The following STAT1 variants were observed in gnomAD, a reference collection of about 807,000 sequenced individuals.
The protein encoded by STAT1 is signal transducer and activator of transcription 1-alpha/beta.
STAT1 carries 24 observed loss-of-function variants against 111.7 expected under a neutral mutation model. The observed-to-expected ratio is 0.21, with a 90% CI of 0.16 to 0.30. The LOEUF (loss-of-function observed/expected upper bound fraction) is 0.30. STAT1 is among the 10% of genes least tolerant of loss of function. STAT1 has a pLI of 1.00. For missense variants in STAT1, 351 were observed against 911.9 expected, an observed-to-expected ratio of 0.38 and a Z score of 7.92; for synonymous variants, 332 against 326.5, an observed-to-expected ratio of 1.02 and a Z score of -0.18.
At position 191,007,352 on chromosome 2, in the gene STAT1, TTC is replaced by T. The variant is rs1574670902; in HGVS notation, c.372+209_372+210del. On this transcript the variant is annotated intron_variant, in intron 5 of 24. Transcript: ENST00000361099. This position sits in a 1 kb window ranked among gnomAD's most constrained non-coding sequence, Gnocchi z 4.2. ...TACCCAGAAGTATCTTGTTTATATGTTCTCTCTCCTCGTTAGAACTTAATTCC... is the reference window on the plus strand; with the variant it reads ...TACCCAGAAGTATCTTGTTTATATGTTCTCTCCTCGTTAGAACTTAATTCC... 6.6e-6 allele frequency among the ~76,000 whole-genome samples: 1 copy of T among 152,354 alleles called. No individual in the cohort carries two copies. Among genetic ancestry groups the T allele is most frequent in the East Asian group, 1.9e-4 (1 of 5,190 alleles).
chr2:191,000,723 C>T lies in STAT1; in HGVS notation c.462+351G>A, dbSNP rs41457547. On this transcript the variant is annotated intron_variant, in intron 6 of 24. Transcript: ENST00000361099. The surrounding 1 kb of genome is among the most constrained non-coding windows in gnomAD (Gnocchi z 4.8). ...AAACAGATGACTGGGAAGGATGGGC[C>T]ATGTTTATCCTGGGGCACTGTGATT... 3.6e-3 allele frequency among the ~76,000 whole-genome samples: 544 copies of T among 152,208 alleles called. 5 individuals carry two copies. The highest frequency in any genetic ancestry group is 0.012 in the African/African-American group (516 of 41,516).
At position 190,993,239 on chromosome 2, in the gene STAT1, T is replaced by C. The variant is rs1455101047; in HGVS notation, c.944+1822A>G. ...GTTGACGTTTTCACTGGGATAATGA[T>C]CTATTTTCTGCAGTCACTGTTTAAT... On this transcript the variant is annotated intron_variant, in intron 10 of 24. Coordinates refer to ENST00000361099, the MANE Select transcript of STAT1 (RefSeq NM_007315.4). This position sits in a 1 kb window ranked among gnomAD's most constrained non-coding sequence, Gnocchi z 4.1. The C allele has an allele frequency of 3.4e-6, 2 of 588,020 alleles. No individual in the cohort carries two copies. Among genetic ancestry groups the C allele is most frequent in the East Asian group, 3.2e-5 (1 of 31,500 alleles). 36.4% of individuals were successfully genotyped at this position (588,020 alleles called of 1,614,324 possible).
rs889876709 is a variant in STAT1 at position 191,000,679 on chromosome 2, T to G, written c.462+395A>C. Among the ~76,000 whole-genome samples, 1 of 152,226 alleles carries G rather than the reference T, an allele frequency of 6.6e-6. No individual in the cohort carries two copies. Among genetic ancestry groups the G allele is most frequent in the Non-Finnish European group, 1.5e-5 (1 of 68,042 alleles). Reference sequence around the variant, plus strand: ...TTTCAATAAAATGTATTTTTGTTCCTCTTCCAAGTCTTAGGATAAAACAGA... The same window carrying G: ...TTTCAATAAAATGTATTTTTGTTCCGCTTCCAAGTCTTAGGATAAAACAGA... On this transcript the variant is annotated intron_variant, in intron 6 of 24. Transcript: ENST00000361099. This position sits in a 1 kb window ranked among gnomAD's most constrained non-coding sequence, Gnocchi z 4.8.
rs1428032495 is a variant in STAT1 at position 190,987,281 on chromosome 2, A to G, written c.1098-213T>C. Among the ~76,000 whole-genome samples the G allele has an allele frequency of 6.6e-6, 1 of 152,224 alleles. No homozygotes were observed. The highest frequency in any genetic ancestry group is 1.9e-4 in the East Asian group (1 of 5,200). ...TCACTGAATGACCTTTGGCAAATAA[A>G]TGGTCTGGGCCTTACATTGTTCATT... On this transcript the variant is annotated intron_variant, in intron 12 of 24. Transcript: ENST00000361099. The surrounding 1 kb of genome is among the most constrained non-coding windows in gnomAD (Gnocchi z 4.0).
Position 191,010,009 on chromosome 2 carries a change from A to C in STAT1, c.-1-5T>G, listed in dbSNP as rs780286976. The C allele has an allele frequency of 2.5e-6, 4 of 1,613,710 alleles. No homozygotes were observed. The highest frequency in any genetic ancestry group is 3.3e-5 in the Admixed American group (2 of 60,002). Reference sequence around the variant, plus strand: ...AGTTCGTACCACTGAGACATCCTATAGGGAAAAAGAATATACATTCTTTCT... The same window carrying C: ...AGTTCGTACCACTGAGACATCCTATCGGGAAAAAGAATATACATTCTTTCT... On this transcript the variant is annotated splice_region_variant and splice_polypyrimidine_tract_variant and intron_variant, in intron 2 of 24. Transcript: ENST00000361099.
In STAT1 at chr2:190,990,555, T is replaced by C. The variant is rs889359528; in HGVS notation, c.1037+673A>G. The stretch of plus-strand genomic sequence containing the variant: ...GAGAAAGACTACAAAACAATGTATG[T>C]AGCCTACTCCGAGTTTTTAAAAAAG... On this transcript the variant is annotated intron_variant, in intron 11 of 24. Coordinates refer to ENST00000361099, the MANE Select transcript of STAT1 (RefSeq NM_007315.4). This position sits in a 1 kb window ranked among gnomAD's most constrained non-coding sequence, Gnocchi z 5.1. Among the ~76,000 whole-genome samples, 9 of 152,362 alleles carry C rather than the reference T, an allele frequency of 5.9e-5. No homozygotes were observed. The highest frequency in any genetic ancestry group is 1.2e-4 in the Non-Finnish European group (8 of 68,028).
Position 190,996,592 on chromosome 2 carries a change from G to C in STAT1, c.785+1264C>G, listed in dbSNP as rs1226509668. Among the ~76,000 whole-genome samples the C allele has an allele frequency of 6.6e-6, 1 of 152,186 alleles. No individual in the cohort carries two copies. The highest frequency in any genetic ancestry group is 1.5e-5 in the Non-Finnish European group (1 of 68,030). On this transcript the variant is annotated intron_variant, in intron 9 of 24. Transcript: ENST00000361099. This position sits in a 1 kb window ranked among gnomAD's most constrained non-coding sequence, Gnocchi z 4.5. ...TCCCTGGCCACCTGAAGGGCTTTAGGGTTGTATGTATCCCTCAAGGCACAT... is the reference window on the plus strand; with the variant it reads ...TCCCTGGCCACCTGAAGGGCTTTAGCGTTGTATGTATCCCTCAAGGCACAT...
At position 191,003,065 on chromosome 2, in the gene STAT1, C is replaced by T. The variant is rs534045291; in HGVS notation, c.373-1902G>A. On this transcript the variant is annotated intron_variant, in intron 5 of 24. Coordinates refer to ENST00000361099, the MANE Select transcript of STAT1 (RefSeq NM_007315.4). The surrounding 1 kb of genome is among the most constrained non-coding windows in gnomAD (Gnocchi z 4.0). The stretch of plus-strand genomic sequence containing the variant: ...CTTATTGAGGACTTTTATATTGATA[C>T]TCATAAGTAAAATTGGTCCATAATT... 2.0e-5 allele frequency among the ~76,000 whole-genome samples: 3 copies of T among 152,226 alleles called. No individual in the cohort carries two copies. The highest frequency in any genetic ancestry group is 2.1e-4 in the South Asian group (1 of 4,826).
intron 4 of STAT1, chr2:191,008,064 G>C (rs1324040189): frequency 4.5e-6 from 2 of 448,534 alleles, no homozygotes; most frequent in South Asian, 3.2e-5. Context: ...CTAGACCAAA[G>C]ATATTCATCT....
At chr2:190,992,773 C>A in intron 10 of STAT1, 37 of 595,712 alleles carry the variant, frequency 6.2e-5, no homozygotes, top group Non-Finnish European at 9.2e-5. Context: ...GAACACAGTT[C>A]TACATTCATT....
Position 190,999,348 on chromosome 2 carries a change from G to A in STAT1, c.541+278C>T, listed in dbSNP as rs1251821348. Reference sequence around the variant, plus strand: ...TTGGCAATCTCTGGAGACAGTTTTGGTTGTCACTAGTGAGGGCTCCTGGGT... The same window carrying A: ...TTGGCAATCTCTGGAGACAGTTTTGATTGTCACTAGTGAGGGCTCCTGGGT... On this transcript the variant is annotated intron_variant, in intron 7 of 24. Coordinates refer to ENST00000361099, the MANE Select transcript of STAT1 (RefSeq NM_007315.4). The surrounding 1 kb of genome is among the most constrained non-coding windows in gnomAD (Gnocchi z 4.1). Among the ~76,000 whole-genome samples, 4 of 152,140 alleles carry A rather than the reference G, an allele frequency of 2.6e-5. No individual in the cohort carries two copies. Among genetic ancestry groups the A allele is most frequent in the Non-Finnish European group, 4.4e-5 (3 of 68,018 alleles).
chr2:190,980,254 C>T lies in STAT1; in HGVS notation c.1632+366G>A, dbSNP rs1016924222. 6.6e-6 allele frequency among the ~76,000 whole-genome samples: 1 copy of T among 152,256 alleles called. No homozygotes were observed. Among genetic ancestry groups the T allele is most frequent in the East Asian group, 1.9e-4 (1 of 5,202 alleles). On this transcript the variant is annotated intron_variant, in intron 19 of 24. Transcript: ENST00000361099. This position sits in a 1 kb window ranked among gnomAD's most constrained non-coding sequence, Gnocchi z 6.1. ...AATCTAAATGTTCCCCGCAGTGGGC[C>T]CCTCTGCTCGAGCAGGCCGTTAAAC...
rs954065416 is a variant in STAT1, at chr2:190,977,290, T to C, written c.1874-265A>G. 6.6e-6 allele frequency among the ~76,000 whole-genome samples: 1 copy of C among 152,214 alleles called. No individual in the cohort carries two copies. Among genetic ancestry groups the C allele is most frequent in the Non-Finnish European group, 1.5e-5 (1 of 68,030 alleles). ...TTTATAAATCTGGGCAAAAAAGATTTATTAAAAACCTTTAAAAGCCTGCAT... is the reference window on the plus strand; with the variant it reads ...TTTATAAATCTGGGCAAAAAAGATTCATTAAAAACCTTTAAAAGCCTGCAT... On this transcript the variant is annotated intron_variant, in intron 21 of 24. Coordinates refer to ENST00000361099, the MANE Select transcript of STAT1 (RefSeq NM_007315.4). This position sits in a 1 kb window ranked among gnomAD's most constrained non-coding sequence, Gnocchi z 4.7.
At position 191,000,145 on chromosome 2, in the gene STAT1, T is replaced by C. The variant is rs1482381530; in HGVS notation, c.463-441A>G. ...GGGATAGACCTGGTTTCATACTTGCTGTAATTATAAACAGTGCCCTCTTGG... is the reference window on the plus strand; with the variant it reads ...GGGATAGACCTGGTTTCATACTTGCCGTAATTATAAACAGTGCCCTCTTGG... On this transcript the variant is annotated intron_variant, in intron 6 of 24. Coordinates refer to ENST00000361099, the MANE Select transcript of STAT1 (RefSeq NM_007315.4). The surrounding 1 kb of genome is among the most constrained non-coding windows in gnomAD (Gnocchi z 4.8). Among the ~76,000 whole-genome samples, 1 of 152,254 alleles carries C rather than the reference T, an allele frequency of 6.6e-6. No individual in the cohort carries two copies. The highest frequency in any genetic ancestry group is 1.5e-5 in the Non-Finnish European group (1 of 68,046).
intron 10 of STAT1, among the ~76,000 whole-genome samples, chr2:190,992,262 G>C (rs1025763945): frequency 6.6e-6 from 1 of 152,190 alleles, no homozygotes; most frequent in Non-Finnish European, 1.5e-5. Flanking sequence ...GACAGACACT[G>C]CTTGTGCTGT....
chr2:191,005,154 GT>G (rs1227844840), intron 5 of STAT1, among the ~76,000 whole-genome samples: 1 of 152,170 alleles, frequency 6.6e-6, no homozygotes, highest in East Asian at 1.9e-4. Flanking sequence ...AATTTTGCAT[GT>G]TTTTAACTTG....
At position 190,986,821 on chromosome 2, in the gene STAT1, G is replaced by A; in HGVS notation, c.1221+33C>T. ...TATTGTCAAAAGTCCTAAGAAACCAGAGACAACATAGAGAGGAAACTGATG... is the reference window on the plus strand; with the variant it reads ...TATTGTCAAAAGTCCTAAGAAACCAAAGACAACATAGAGAGGAAACTGATG... On this transcript the variant is annotated intron_variant, in intron 14 of 24. Coordinates refer to ENST00000361099, the MANE Select transcript of STAT1 (RefSeq NM_007315.4). This position sits in a 1 kb window ranked among gnomAD's most constrained non-coding sequence, Gnocchi z 5.0. 1.3e-6 allele frequency: 2 copies of A among 1,599,166 alleles called. No individual in the cohort carries two copies. Among genetic ancestry groups the A allele is most frequent in the Middle Eastern group, 3.3e-4 (2 of 5,980 alleles).
Position 190,975,878 on chromosome 2 carries a change from G to A in STAT1, c.2069C>T (p.Pro690Leu), listed in dbSNP as rs777025255. ...TCCTTTAGGGCCATCAAGTTCCATT[G>A]GCTCTGGTGCTAGAAATAAACACAT... Reference protein sequence around the residue: ...YYSRPKEAPEPMELDGPKGTG... With the variant: ...YYSRPKEAPELMELDGPKGTG... Residue 690 changes from proline (P) to leucine (L), a missense_variant, in exon 23 of 25, where the codon CCA (proline) becomes CTA (leucine). By Grantham distance (98) the Pro-to-Leu change is moderately conservative. Around this residue, in one of 7 missense-constraint regions of STAT1, gnomAD observed 181 missense variants for 426.1 expected, o/e 0.42. Coordinates refer to ENST00000361099, the MANE Select transcript of STAT1 (RefSeq NM_007315.4). This position sits in a 1 kb window ranked among gnomAD's most constrained non-coding sequence, Gnocchi z 5.9. 1.2e-6 allele frequency: 2 copies of A among 1,613,872 alleles called. No homozygotes were observed. The highest frequency in any genetic ancestry group is 2.2e-5 in the South Asian group (2 of 91,080).
In STAT1 at chr2:190,989,160, G is replaced by A. The variant is rs1480257454; in HGVS notation, c.1097+455C>T. ...ACCACAGAATCATGGCAGCCTGGAC[G>A]TTCAGCCTCGGGTTGGATCAGGGGC... On this transcript the variant is annotated intron_variant, in intron 12 of 24. Transcript: ENST00000361099. This position sits in a 1 kb window ranked among gnomAD's most constrained non-coding sequence, Gnocchi z 5.0. Among the ~76,000 whole-genome samples the A allele has an allele frequency of 1.3e-5, 2 of 152,176 alleles. No homozygotes were observed. Among genetic ancestry groups the A allele is most frequent in the Non-Finnish European group, 2.9e-5 (2 of 68,028 alleles).
Sources: allele counts gnomAD v4.1 joint callset (sites outside exome capture counted in the v4.1 genomes callset), GRCh38; gene constraint gnomAD v4.1.1; regional missense constraint gnomAD v4.1.1; non-coding constraint Gnocchi (gnomAD v3.1); transcripts MANE v1.5; gene names NCBI Gene and HGNC (gene_info 2026-07-23, HGNC 2026-07-21).